The following FMN1 variants were observed in gnomAD, a reference collection of about 807,000 sequenced individuals.
FMN1 encodes formin-1.
A neutral mutation model predicts 132.4 loss-of-function variants in FMN1; 110 were observed. That is an observed-to-expected ratio of 0.83 (90% CI 0.71 to 0.97). FMN1 has a LOEUF of 0.97. FMN1 is among the 50% of genes least tolerant of loss of function. The pLI is 0.00. For synonymous variants in FMN1, 722 were observed against 651.7 expected, an observed-to-expected ratio of 1.11 and a Z score of -1.64; for missense variants, 1,792 against 1,705.3, an observed-to-expected ratio of 1.05 and a Z score of -0.90.
intron 17 of FMN1, among the ~76,000 whole-genome samples, chr15:32,809,416 A>T (rs138948664): frequency 9.5e-4 from 145 of 152,158 alleles, no homozygotes; most frequent in Middle Eastern, 6.8e-3. Flanking sequence ...TAATGTTCTC[A>T]CTGGTTCCCC....
At chr15:32,780,327 AC>A (rs2056623394) in intron 19 of FMN1, among the ~76,000 whole-genome samples, 1 of 152,172 alleles carries the variant, frequency 6.6e-6, no homozygotes, top group Non-Finnish European at 1.5e-5. Context: ...AAAGAAGCTG[AC>A]CCAAACTCTC....
In FMN1 at chr15:33,153,033, T is replaced by G. The variant is rs73380689; in HGVS notation, c.1867+15A>C. 11,874 of 1,494,214 alleles carry G rather than the reference T, an allele frequency of 7.9e-3. 840 individuals carry two copies. The African/African-American group carries it at 0.15, about 19-fold the overall frequency. The allele number at this position is 1,494,214 out of a possible 1,614,324, so 92.6% of individuals were successfully genotyped here. A position where few individuals can be genotyped will look rare whatever the true frequency, so the allele number is the denominator to read the frequency against. On this transcript the variant is annotated intron_variant, in intron 4 of 20. Coordinates refer to ENST00000616417, the MANE Select transcript of FMN1 (RefSeq NM_001277313.2). ...AGCCAAGAATAGATTCAAAGCATCTTAAACAGAGACTAACCTGGAGGTGAC... is the reference window on the plus strand; with the variant it reads ...AGCCAAGAATAGATTCAAAGCATCTGAAACAGAGACTAACCTGGAGGTGAC...
chr15:33,027,505 C>T (rs1315315971), intron 6 of FMN1, among the ~76,000 whole-genome samples: 1 of 152,194 alleles, frequency 6.6e-6, no homozygotes, highest in Non-Finnish European at 1.5e-5. Context: ...CATTTGCACA[C>T]AGGTGGAAAC....
At chr15:33,115,381 G>A (rs180966923) in intron 4 of FMN1, among the ~76,000 whole-genome samples, 1 of 152,056 alleles carries the variant, frequency 6.6e-6, no homozygotes, top group Non-Finnish European at 1.5e-5. Context: ...GTAAGAAGAT[G>A]GCATATTTTC....
At chr15:32,809,299 T>C (rs999292898) in intron 17 of FMN1, among the ~76,000 whole-genome samples, 3 of 152,222 alleles carry the variant, frequency 2.0e-5, no homozygotes, top group Non-Finnish European at 4.4e-5. Context: ...AGGCTCTATA[T>C]GGTGACCTGT....
chr15:33,172,005 T>C (rs907481649), intron 3 of FMN1, among the ~76,000 whole-genome samples: 23 of 151,874 alleles, frequency 1.5e-4, no homozygotes, highest in Non-Finnish European at 2.5e-4. Flanking sequence ...GTCAGGAGAT[T>C]GAGATCATCC....
At chr15:32,904,710 A>T (rs2060378956) in intron 12 of FMN1, among the ~76,000 whole-genome samples, 1 of 152,154 alleles carries the variant, frequency 6.6e-6, no homozygotes, top group South Asian at 2.1e-4. Flanking sequence ...AAAGAAGCAA[A>T]TTTGGAGGAA....
At chr15:32,912,009 T>C (rs566349740) in intron 10 of FMN1, among the ~76,000 whole-genome samples, 1 of 152,344 alleles carries the variant, frequency 6.6e-6, no homozygotes, top group African/African-American at 2.4e-5. Context: ...GTCTATTTTA[T>C]GTAAATCTCA....
At chr15:33,184,639 G>A (rs991552883) in intron 2 of FMN1, among the ~76,000 whole-genome samples, 16 of 152,014 alleles carry the variant, frequency 1.1e-4, no homozygotes, top group African/African-American at 3.9e-4. Context: ...AAGCAGCTGG[G>A]ATTACAGGCG....
At position 33,154,861 on chromosome 15, in the gene FMN1, G is replaced by T; in HGVS notation, c.54C>A (p.Cys18Ter). Residue 18 changes from cysteine (C) to a stop codon, truncating the protein, a stop_gained, in exon 4 of 21, where the codon TGC becomes TGA. Coordinates refer to ENST00000616417, the MANE Select transcript of FMN1 (RefSeq NM_001277313.2). LOFTEE classifies it high-confidence loss of function. ...LQLHKPITEL[C>*]YISFCLPKGE... is the part of the protein sequence containing the mutation. ...CCTTTGGAAGACAGAAGCTGATGTA[G>T]CAGAGTTCCGTAATGGGCTTATGCA... 5.9e-6 allele frequency: 9 copies of T among 1,536,226 alleles called. No homozygotes were observed. The East Asian group carries it at 7.3e-5, about 13-fold the overall frequency.
intron 18 of FMN1, among the ~76,000 whole-genome samples, chr15:32,803,977 G>C (rs1203848574): frequency 6.6e-6 from 1 of 152,114 alleles, no homozygotes; most frequent in African/African-American, 2.4e-5. Context: ...GCCGAAAGTA[G>C]GGCTAGTCAA....
chr15:32,855,534 A>C lies in FMN1; in HGVS notation c.3928+1481T>G, dbSNP rs368524682. ...TTCTCAAGGTTTTAAATCTATTCAT[A>C]TTTATGTCTTTTCAACAAAAAGAAT... On this transcript the variant is annotated intron_variant, in intron 17 of 20. Coordinates refer to ENST00000616417, the MANE Select transcript of FMN1 (RefSeq NM_001277313.2). Among the ~76,000 whole-genome samples, 4 of 152,200 alleles carry C rather than the reference A, an allele frequency of 2.6e-5. No individual in the cohort carries two copies. The East Asian group carries it at 5.8e-4, about 22-fold the overall frequency.
intron 4 of FMN1, among the ~76,000 whole-genome samples, chr15:33,118,233 C>T (rs984703085): frequency 2.0e-5 from 3 of 152,116 alleles, no homozygotes; most frequent in Non-Finnish European, 4.4e-5. Context: ...GTTGCTAGTT[C>T]CAACCAAGCA....
At chr15:33,121,550 T>C (rs1051386784) in intron 4 of FMN1, among the ~76,000 whole-genome samples, 7 of 152,176 alleles carry the variant, frequency 4.6e-5, no homozygotes, top group Admixed American at 4.6e-4. Flanking sequence ...TTTTGTTTTT[T>C]AGATAGTCTT....
At chr15:32,875,078 C>T (rs937820739) in intron 16 of FMN1, among the ~76,000 whole-genome samples, 1 of 152,174 alleles carries the variant, frequency 6.6e-6, no homozygotes, top group African/African-American at 2.4e-5. Flanking sequence ...TCAGTAATTC[C>T]TTGAAAACAA....
chr15:32,919,893 G>T (rs1184215884), intron 10 of FMN1, among the ~76,000 whole-genome samples: 1 of 152,186 alleles, frequency 6.6e-6, no homozygotes, highest in African/African-American at 2.4e-5. Flanking sequence ...TCTCAGACCT[G>T]GGTTTTAGAC....
chr15:33,126,691 A>G (rs1963110637), intron 4 of FMN1, among the ~76,000 whole-genome samples: 1 of 152,212 alleles, frequency 6.6e-6, no homozygotes, highest in Non-Finnish European at 1.5e-5. Context: ...AGCAGACAGG[A>G]AGCGAAGGCA....
chr15:33,125,105 GC>G, intron 4 of FMN1, among the ~76,000 whole-genome samples: 1 of 151,942 alleles, frequency 6.6e-6, no homozygotes, highest in Non-Finnish European at 1.5e-5. Flanking sequence ...ATAACATAAT[GC>G]CTTAGAACAT....
At chr15:33,135,988 A>T (rs1258823242) in intron 4 of FMN1, among the ~76,000 whole-genome samples, 1 of 152,252 alleles carries the variant, frequency 6.6e-6, no homozygotes, top group African/African-American at 2.4e-5. Flanking sequence ...TACTTAGAAC[A>T]ATGATGAATA....
Sources: gnomAD v4.1 joint callset for allele counts (sites outside exome capture counted in the v4.1 genomes callset) on GRCh38, gnomAD v4.1.1 for gene constraint, MANE v1.5 for transcripts, NCBI Gene and HGNC (gene_info 2026-07-23, HGNC 2026-07-21) for gene names.